SLC17A2: variants seen among roughly 807,000 people sequenced by gnomAD.
SLC17A2 encodes sodium-dependent phosphate transport protein 3.
In SLC17A2, 38 loss-of-function variants were observed where a neutral mutation model predicts 52.1. That is an observed-to-expected ratio of 0.73 (90% confidence interval 0.56 to 0.96). SLC17A2 has a LOEUF of 0.96. SLC17A2 is among the 40% of genes least tolerant of loss of function. The pLI is 0.00. For missense variants in SLC17A2, 508 were observed against 583.9 expected, an observed-to-expected ratio of 0.87 and a Z score of 1.34; for synonymous variants, 226 against 211.9, an observed-to-expected ratio of 1.07 and a Z score of -0.58.
chr6:25,918,988 T>C (rs1020305347), intron 5 of SLC17A2, among the ~76,000 whole-genome samples: 5 of 152,176 alleles, frequency 3.3e-5, no homozygotes, highest in Non-Finnish European at 7.4e-5. Context: ...CTGGTCCAAT[T>C]GGAGAGAAAA....
At chr6:25,920,811 G>GT (rs778435937) in intron 5 of SLC17A2, among the ~76,000 whole-genome samples, 195 bp downstream of exon 5, 4 of 152,154 alleles carry the variant, frequency 2.6e-5, no homozygotes, top group Admixed American at 1.3e-4. Flanking sequence ...GCTCACAATG[G>GT]TTTTTTCTAC....
chr6:25,929,075 C>T (rs1393363537), intron 1 of SLC17A2, among the ~76,000 whole-genome samples: 5 of 151,992 alleles, frequency 3.3e-5, no homozygotes, highest in Non-Finnish European at 5.9e-5. Flanking sequence ...TTAGATTGCT[C>T]TTAGATTCTC....
chr6:25,924,547 G>A (rs1208884640), intron 2 of SLC17A2, among the ~76,000 whole-genome samples: 1 of 151,526 alleles, frequency 6.6e-6, no homozygotes, highest in South Asian at 2.1e-4. Flanking sequence ...AGTGGCTCAC[G>A]CCTGTAGTCC....
At chr6:25,930,247 A>T (rs1265054503) in intron 1 of SLC17A2, 30 bp downstream of exon 1, 2 of 152,460 alleles carry the variant, frequency 1.3e-5, no homozygotes, top group Admixed American at 1.3e-4. Context: ...TCCCAGTCTG[A>T]CTAATCACAG....
chr6:25,916,018 G>A (rs1365731316), intron 8 of SLC17A2, 150 bp from the exon 9 acceptor site: 3 of 658,410 alleles, frequency 4.6e-6, no homozygotes, highest in Admixed American at 6.0e-5. Context: ...AAAGAACACT[G>A]TCTCAGATAA....
intron 1 of SLC17A2, among the ~76,000 whole-genome samples, chr6:25,926,940 C>A (rs760234115): frequency 2.6e-5 from 4 of 152,096 alleles, no homozygotes; most frequent in Non-Finnish European, 4.4e-5. Context: ...GTGGCACATG[C>A]CTGTAGACCC....
chr6:25,927,610 T>A (rs1766811416), intron 1 of SLC17A2, among the ~76,000 whole-genome samples: 1 of 152,264 alleles, frequency 6.6e-6, no homozygotes, highest in Non-Finnish European at 1.5e-5. Flanking sequence ...GAGCAATAAT[T>A]GGACTTCATC....
At chr6:25,915,378 GTT>G in intron 10 of SLC17A2, 119 bp downstream of exon 10, 1 of 871,934 alleles carries the variant, frequency 1.1e-6, no homozygotes, top group South Asian at 2.0e-5. Context: ...GATATTTGTA[GTT>G]ATTTGTCATT....
intron 2 of SLC17A2, 73 bp from the exon 3 acceptor site, chr6:25,923,979 C>A: frequency 8.3e-7 from 1 of 1,209,644 alleles, no homozygotes; most frequent in Non-Finnish European, 1.2e-6. Context: ...TCTCACAGCT[C>A]GATCTGATAG....
chr6:25,913,392 G>A lies in SLC17A2; in HGVS notation c.1362C>T (p.Gly454=). 1.2e-6 allele frequency: 2 copies of A among 1,614,040 alleles called. No homozygotes were observed. Among genetic ancestry groups the A allele is most frequent in the South Asian group, 1.1e-5 (1 of 91,082 alleles). ...FFLSAAVNMF[G]LVFYLTFGQA... The stretch of plus-strand genomic sequence containing the variant: ...GTCCAAACGTGAGGTAAAAGACCAG[G>A]CCAAACATGTTGACTGCAGCAGACA... Residue 454 remains glycine, a synonymous_variant, in exon 12 of 12, where the codon GGC becomes GGT. Coordinates refer to ENST00000377850, the MANE Select transcript of SLC17A2 (RefSeq NM_001286123.3).
At chr6:25,918,435 A>C in intron 6 of SLC17A2, 52 bp downstream of exon 6, 1 of 1,275,252 alleles carries the variant, frequency 7.8e-7, no homozygotes, top group Non-Finnish European at 1.1e-6. Context: ...GTAGGTGCCA[A>C]AATGGATGCT....
Position 25,925,637 on chromosome 6 carries a change from G to A in SLC17A2, c.28+132C>T, listed in dbSNP as rs778369755. On this transcript the variant is annotated intron_variant, in intron 2 of 11. Coordinates refer to ENST00000377850, the MANE Select transcript of SLC17A2 (RefSeq NM_001286123.3). ...GCTAAGGAAAAAGCAACAGGATCAG[G>A]GGCTGGAGCTGGCTCCAATGTTACA... The A allele has an allele frequency of 2.4e-4, 206 of 855,596 alleles. 2 individuals carry two copies. Among genetic ancestry groups the A allele is most frequent in the Non-Finnish European group, 3.2e-4 (160 of 494,130 alleles). The allele number at this position is 855,596 out of a possible 1,614,324, so 53.0% of individuals were successfully genotyped here. A position where few individuals can be genotyped will look rare whatever the true frequency, so the allele number is the denominator to read the frequency against.
chr6:25,919,361 C>T (rs1177486861), intron 5 of SLC17A2, among the ~76,000 whole-genome samples: 1 of 151,954 alleles, frequency 6.6e-6, no homozygotes, highest in Non-Finnish European at 1.5e-5. Context: ...TATAATAAAA[C>T]TACAATGTAC....
chr6:25,926,970 G>A (rs921456525), intron 1 of SLC17A2, among the ~76,000 whole-genome samples: 2 of 152,196 alleles, frequency 1.3e-5, no homozygotes, highest in African/African-American at 4.8e-5. Flanking sequence ...GGAGGCTGAG[G>A]CAGGATAATT....
chr6:25,917,605 G>T (rs1766377589), intron 6 of SLC17A2, among the ~76,000 whole-genome samples: 1 of 152,084 alleles, frequency 6.6e-6, no homozygotes, highest in Non-Finnish European at 1.5e-5. Flanking sequence ...TACAATACCT[G>T]GTTAACATGT....
chr6:25,928,586 C>A (rs146986469), intron 1 of SLC17A2, among the ~76,000 whole-genome samples: 2 of 152,096 alleles, frequency 1.3e-5, no homozygotes, highest in Non-Finnish European at 2.9e-5. Context: ...TTCAGTTCTT[C>A]GTTTCCTATT....
intron 5 of SLC17A2, 144 bp downstream of exon 5, chr6:25,920,862 C>T: frequency 1.4e-6 from 1 of 692,642 alleles, no homozygotes; most frequent in Non-Finnish European, 2.4e-6. Flanking sequence ...TGCATCTTTC[C>T]TATTTGTGAT....
In SLC17A2 at chr6:25,918,539, C is replaced by T. The variant is rs771193772; in HGVS notation, c.597G>A (p.Val199=). The change falls in exon 6 of 12, where the codon GTG becomes GTA. Residue 199 remains valine, a synonymous_variant. Coordinates refer to ENST00000377850, the MANE Select transcript of SLC17A2 (RefSeq NM_001286123.3). The part of the protein sequence containing the change: ...SAFGSFIILC[V]GGLISQALSW... ...TCAAGGCCTGTGAGATTAGTCCCCC[C>T]ACACAGAGGATGATGAAGGATCCAA... The T allele has an allele frequency of 1.2e-6, 2 of 1,613,640 alleles. No homozygotes were observed. Among genetic ancestry groups the T allele is most frequent in the Non-Finnish European group, 8.5e-7 (1 of 1,179,632 alleles).
At chr6:25,928,839 T>TA (rs918617030) in intron 1 of SLC17A2, among the ~76,000 whole-genome samples, 27 of 151,082 alleles carry the variant, frequency 1.8e-4, no homozygotes, top group African/African-American at 5.1e-4. Flanking sequence ...GATATACCTC[T>TA]AAAAAAAAAT....
Sources: gnomAD v4.1 joint callset for allele counts (sites outside exome capture counted in the v4.1 genomes callset) on GRCh38, gnomAD v4.1.1 for gene constraint, MANE v1.5 for transcripts, NCBI Gene and HGNC (gene_info 2026-07-23, HGNC 2026-07-21) for gene names.